Variants in ATR observed in about 807,000 individuals in gnomAD.
ATR encodes the protein ATR checkpoint kinase.
A neutral mutation model predicts 305.3 loss-of-function variants in ATR; 142 were observed. The observed-to-expected ratio is 0.47, with a 90% confidence interval of 0.41 to 0.53. The LOEUF is 0.53. Among genes scored for constraint, ATR ranks in the 20% least tolerant of loss-of-function variants. ATR has a pLI of 0.00. For synonymous variants in ATR, 1,050 were observed against 1,068.1 expected (o/e 0.98, Z 0.33); for missense variants, 2,135 against 3,133.1 (o/e 0.68, Z 7.60).
At chr3:142,539,459 G>A (rs1295386629) in intron 18 of ATR, among the ~76,000 whole-genome samples, 1 of 152,098 alleles carries the variant, frequency 6.6e-6, no homozygotes, top group East Asian at 1.9e-4. Flanking sequence ...AATAAAAAAG[G>A]ATAGTGACTT....
chr3:142,467,917 T>G lies in ATR; in HGVS notation c.6687+17A>C. ...TTACCCAACATCAGTTTATAAGCAC[T>G]AAGATTATGATAGTACCGGTTTATT... On this transcript the variant is annotated intron_variant, in intron 39 of 46. Transcript: ENST00000350721. The G allele has an allele frequency of 6.2e-7, 1 of 1,611,624 alleles. No homozygotes were observed.
At chr3:142,462,824 C>G (rs533537322) in intron 41 of ATR, among the ~76,000 whole-genome samples, 1 of 152,300 alleles carries the variant, frequency 6.6e-6, no homozygotes, top group Non-Finnish European at 1.5e-5. Context: ...ATGACATCCT[C>G]AAAATGTATT....
At chr3:142,485,003 A>G in intron 36 of ATR, 137 bp downstream of exon 36, 1 of 1,285,504 alleles carries the variant, frequency 7.8e-7, no homozygotes, top group Non-Finnish European at 1.1e-6. Context: ...AAAAATTTAC[A>G]TCTTATCTAA....
At chr3:142,541,584 T>A (rs2108439356) in intron 17 of ATR, among the ~76,000 whole-genome samples, 1 of 152,300 alleles carries the variant, frequency 6.6e-6, no homozygotes, top group Middle Eastern at 3.4e-3. Context: ...GAACCAGACC[T>A]GTTATCAGCA....
intron 13 of ATR, among the ~76,000 whole-genome samples, chr3:142,552,006 C>G (rs1413286815): frequency 6.6e-6 from 1 of 152,070 alleles, no homozygotes; most frequent in East Asian, 1.9e-4. Flanking sequence ...AGGACATAAA[C>G]AGACTCTTCT....
intron 13 of ATR, among the ~76,000 whole-genome samples, chr3:142,552,073 T>C (rs2034490776): frequency 6.6e-6 from 1 of 151,332 alleles, no homozygotes; most frequent in South Asian, 2.1e-4. Context: ...TCAACATCAC[T>C]GATCAAAACT....
At position 142,469,330 on chromosome 3, in the gene ATR, C is replaced by T. The variant is rs767836523; in HGVS notation, c.6552+7G>A. The T allele has an allele frequency of 1.9e-6, 3 of 1,607,558 alleles. No homozygotes were observed. The highest frequency in any genetic ancestry group is 1.7e-5 in the Admixed American group (1 of 59,856). On this transcript the variant is annotated splice_region_variant and intron_variant, in intron 38 of 46. Transcript: ENST00000350721. ...TTTTCATATAAAAAGGTAAAAGACCCTTTTACCTTTGACACAGCTGTCATC... is the reference window on the plus strand; with the variant it reads ...TTTTCATATAAAAAGGTAAAAGACCTTTTTACCTTTGACACAGCTGTCATC...
At chr3:142,573,015 C>A (rs946876336) in intron 1 of ATR, among the ~76,000 whole-genome samples, 3 of 152,130 alleles carry the variant, frequency 2.0e-5, no homozygotes, top group Admixed American at 1.3e-4. Context: ...TCCTAAAGTG[C>A]CATTAGACCG....
At chr3:142,518,289 C>G (rs779619399) in intron 24 of ATR, among the ~76,000 whole-genome samples, 1 of 152,190 alleles carries the variant, frequency 6.6e-6, no homozygotes, top group Non-Finnish European at 1.5e-5. Flanking sequence ...TTGGGAAGCC[C>G]AGACAGGCAG....
intron 13 of ATR, among the ~76,000 whole-genome samples, chr3:142,551,082 C>A (rs1333253172): frequency 6.6e-6 from 1 of 152,178 alleles, no homozygotes; most frequent in East Asian, 1.9e-4. Context: ...TCACCACGCC[C>A]AGCCTTAACA....
chr3:142,576,548 A>G (rs559191290), intron 1 of ATR, among the ~76,000 whole-genome samples: 1 of 152,346 alleles, frequency 6.6e-6, no homozygotes, highest in African/African-American at 2.4e-5. Context: ...GGTGCCATGT[A>G]CTGAGATATC....
At chr3:142,465,270 G>T (rs2108271597) in intron 40 of ATR, 30 bp from the exon 41 acceptor site, 1 of 1,587,828 alleles carries the variant, frequency 6.3e-7, no homozygotes, top group Non-Finnish European at 8.6e-7. Context: ...ATATGAATTA[G>T]GGCCAAAAAT....
intron 32 of ATR, among the ~76,000 whole-genome samples, chr3:142,497,425 C>T (rs1233177871): frequency 6.6e-6 from 1 of 151,986 alleles, no homozygotes; most frequent in African/African-American, 2.4e-5. Context: ...GGCATGGTAG[C>T]GTGCACCTGT....
chr3:142,496,901 A>G, intron 33 of ATR, 112 bp downstream of exon 33: 1 of 1,286,166 alleles, frequency 7.8e-7, no homozygotes, highest in Admixed American at 2.1e-5. Context: ...ATCATTAAAA[A>G]TAGAAAAATG....
intron 24 of ATR, among the ~76,000 whole-genome samples, chr3:142,518,033 C>A (rs1246152160): frequency 1.3e-5 from 2 of 152,160 alleles, no homozygotes; most frequent in African/African-American, 4.8e-5. Context: ...GACTTCAGAG[C>A]TAGCAAATGC....
Position 142,558,427 on chromosome 3 carries a change from G to A in ATR, c.1885+197C>T, listed in dbSNP as rs369874133. ...AATCCTAGCTACTCAGGAGGCTGAG[G>A]CAGGAAAATTGCTTGAACCTGAAGA... On this transcript the variant is annotated intron_variant, in intron 8 of 46. Coordinates refer to ENST00000350721, the MANE Select transcript of ATR (RefSeq NM_001184.4). 6.6e-5 allele frequency among the ~76,000 whole-genome samples: 10 copies of A among 152,172 alleles called. No homozygotes were observed. In the East Asian group the frequency reaches 1.7e-3, roughly 26 times the overall value.
intron 30 of ATR, among the ~76,000 whole-genome samples, chr3:142,501,594 A>T (rs1261985029): frequency 6.6e-6 from 1 of 152,222 alleles, no homozygotes; most frequent in African/African-American, 2.4e-5. Flanking sequence ...CCCCATTAAA[A>T]AGTAGGCAAA....
intron 23 of ATR, among the ~76,000 whole-genome samples, chr3:142,521,398 C>T (rs576854860): frequency 6.6e-6 from 1 of 152,220 alleles, no homozygotes; most frequent in South Asian, 2.1e-4. Flanking sequence ...ATTTTGCAGC[C>T]CGTGTATCAA....
intron 40 of ATR, chr3:142,465,942 G>T: frequency 4.3e-6 from 1 of 230,288 alleles, no homozygotes; most frequent in Non-Finnish European, 8.5e-6. Flanking sequence ...AGAGGCAGAG[G>T]TTGCAGTGAG....
Sources: gnomAD v4.1 joint callset for allele counts (sites outside exome capture counted in the v4.1 genomes callset) on GRCh38, gnomAD v4.1.1 for gene constraint, MANE v1.5 for transcripts, NCBI Gene and HGNC (gene_info 2026-07-23, HGNC 2026-07-21) for gene names.